The following CSMD1 variants were observed in gnomAD, a reference collection of about 807,000 sequenced individuals.
CSMD1 encodes CUB and Sushi multiple domains 1, also known as CUB and sushi domain-containing protein 1.
Under a neutral mutation model 417.5 loss-of-function variants are expected in CSMD1, and 213 were observed. That is an observed-to-expected ratio of 0.51 (90% CI 0.46 to 0.57). The LOEUF (loss-of-function observed/expected upper bound fraction) is 0.57, where lower values mean the gene tolerates loss of function less well. Ranked by LOEUF, CSMD1 falls within the 20% of genes least tolerant of loss-of-function variation. The pLI is 0.00. For missense variants in CSMD1, 6,923 were observed against 4,529.7 expected, an observed-to-expected ratio of 1.53 and a Z score of -15.17; for synonymous variants, 2,862 against 1,736.8, an observed-to-expected ratio of 1.65 and a Z score of -16.11.
chr8:3,528,241 G>A (rs537309970), intron 10 of CSMD1, among the ~76,000 whole-genome samples: 9 of 152,236 alleles, frequency 5.9e-5, no homozygotes, highest in Non-Finnish European at 1.2e-4. Flanking sequence ...ATGTGTTGTG[G>A]AAAGGGATAG....
At chr8:4,424,329 C>G (rs973967121) in intron 2 of CSMD1, among the ~76,000 whole-genome samples, 1 of 151,798 alleles carries the variant, frequency 6.6e-6, no homozygotes, top group Non-Finnish European at 1.5e-5. Flanking sequence ...ACCATGAACT[C>G]TCCAGACTCA....
intron 6 of CSMD1, among the ~76,000 whole-genome samples, chr8:3,713,462 T>G (rs775897375): frequency 2.1e-4 from 32 of 152,128 alleles, no homozygotes; most frequent in Non-Finnish European, 3.8e-4. Flanking sequence ...CTGTAGCCCC[T>G]GGGAAAGCTC....
At chr8:4,159,423 T>G (rs1052164871) in intron 3 of CSMD1, among the ~76,000 whole-genome samples, 1 of 152,186 alleles carries the variant, frequency 6.6e-6, no homozygotes, top group African/African-American at 2.4e-5. Context: ...ATGAAAAAGG[T>G]ATTTGCACAT....
chr8:4,388,614 T>C (rs1012556825), intron 3 of CSMD1, among the ~76,000 whole-genome samples: 12 of 152,096 alleles, frequency 7.9e-5, no homozygotes, highest in Non-Finnish European at 1.6e-4. Flanking sequence ...ACTGCTCAGG[T>C]GGTGGGTGCA....
intron 3 of CSMD1, among the ~76,000 whole-genome samples, chr8:4,374,883 C>T (rs1584977340): frequency 7.3e-6 from 1 of 137,856 alleles, no homozygotes; most frequent in Non-Finnish European, 1.5e-5. Flanking sequence ...GGACATGAAG[C>T]TGAAGAAGAG....
At chr8:3,211,695 C>T (rs1053185264) in intron 30 of CSMD1, among the ~76,000 whole-genome samples, 2 of 152,222 alleles carry the variant, frequency 1.3e-5, no homozygotes, top group Non-Finnish European at 2.9e-5. Flanking sequence ...GATCTGGTCA[C>T]TCTGCAGGGC....
In CSMD1 at chr8:3,611,779, G is replaced by A. The variant is rs1466008802; in HGVS notation, c.1097+4931C>T. ...AAATATTTGAAAGAACTCATAACTC[G>A]ATGAATCATTATTTTCAAATGACCA... On this transcript the variant is annotated intron_variant, in intron 8 of 69. Coordinates refer to ENST00000635120, the MANE Select transcript of CSMD1 (RefSeq NM_033225.6). 3.3e-5 allele frequency among the ~76,000 whole-genome samples: 5 copies of A among 151,930 alleles called. No individual in the cohort carries two copies. The East Asian group carries it at 5.8e-4, about 18-fold the overall frequency.
At chr8:2,940,435 G>A (rs1323111781) in intron 69 of CSMD1, among the ~76,000 whole-genome samples, 1 of 152,158 alleles carries the variant, frequency 6.6e-6, no homozygotes, top group Non-Finnish European at 1.5e-5. Context: ...GGAAGGGAGG[G>A]AGTCCAGTTG....
intron 25 of CSMD1, among the ~76,000 whole-genome samples, chr8:3,295,354 C>T (rs1803888397): frequency 1.3e-5 from 2 of 152,016 alleles, no homozygotes; most frequent in South Asian, 4.2e-4. Context: ...TCTCGATCTC[C>T]TGACCTTGTG....
intron 3 of CSMD1, among the ~76,000 whole-genome samples, chr8:4,398,051 A>G (rs1315487427): frequency 1.3e-5 from 2 of 152,196 alleles, no homozygotes; most frequent in South Asian, 2.1e-4. Flanking sequence ...ATCTCTCTAG[A>G]AATATCAAAT....
chr8:3,926,053 TACACACAC>T (rs35557551), intron 5 of CSMD1, among the ~76,000 whole-genome samples: 4 of 87,818 alleles, frequency 4.6e-5, no homozygotes, highest in Admixed American at 1.4e-4. Flanking sequence ...AAACACCATA[TACACACAC>T]ACACACACAC....
At chr8:3,909,002 T>G (rs1808285639) in intron 5 of CSMD1, among the ~76,000 whole-genome samples, 1 of 152,224 alleles carries the variant, frequency 6.6e-6, no homozygotes, top group Non-Finnish European at 1.5e-5. Context: ...TCTCCTTCAC[T>G]ACTGTAGGAG....
intron 3 of CSMD1, among the ~76,000 whole-genome samples, chr8:4,311,240 G>A (rs555047742): frequency 5.3e-5 from 8 of 152,244 alleles, no homozygotes; most frequent in South Asian, 4.2e-4. Flanking sequence ...CAAAGGCACG[G>A]AATCAACCTA....
chr8:3,601,240 C>G (rs979366497), intron 8 of CSMD1, among the ~76,000 whole-genome samples: 10 of 152,150 alleles, frequency 6.6e-5, no homozygotes, highest in Admixed American at 5.9e-4. Context: ...TTTCCAAGAA[C>G]ATTATTTGAT....
At chr8:3,277,490 T>A (rs1430427065) in intron 26 of CSMD1, among the ~76,000 whole-genome samples, 1 of 152,128 alleles carries the variant, frequency 6.6e-6, no homozygotes, top group Non-Finnish European at 1.5e-5. Context: ...GAATAGGGAC[T>A]CCACTGAATG....
At chr8:4,686,843 G>C (rs1221516869) in intron 1 of CSMD1, among the ~76,000 whole-genome samples, 1 of 152,168 alleles carries the variant, frequency 6.6e-6, no homozygotes, top group Non-Finnish European at 1.5e-5. Flanking sequence ...TGAGCTGCAG[G>C]GAGAGAAGGA....
chr8:4,158,307 G>C (rs868797750), intron 3 of CSMD1, among the ~76,000 whole-genome samples: 2 of 151,936 alleles, frequency 1.3e-5, no homozygotes, highest in East Asian at 1.9e-4. Context: ...CAAGCCCTTG[G>C]AGGAAGGATG....
intron 5 of CSMD1, among the ~76,000 whole-genome samples, chr8:3,992,162 T>C (rs1318939228): frequency 6.6e-6 from 1 of 151,038 alleles, no homozygotes; most frequent in Non-Finnish European, 1.5e-5. Flanking sequence ...TATATATATT[T>C]TTATTGTTAG....
At chr8:3,780,434 T>A (rs78273110) in intron 5 of CSMD1, among the ~76,000 whole-genome samples, 14,630 of 152,246 alleles carry the variant, frequency 0.096, 936 homozygotes, top group African/African-American at 0.18. Context: ...GACTCACTAG[T>A]AAGAGTGGAT....
Sources: allele counts gnomAD v4.1 joint callset (sites outside exome capture counted in the v4.1 genomes callset), GRCh38; gene constraint gnomAD v4.1.1; transcripts MANE v1.5; gene names NCBI Gene and HGNC (gene_info 2026-07-23, HGNC 2026-07-21).